Variants in RAI14 observed in about 807,000 individuals in gnomAD.
RAI14 encodes the protein retinoic acid induced 14.
A neutral mutation model predicts 115.4 loss-of-function variants in RAI14; 45 were observed. The ratio of observed to expected loss-of-function variants is 0.39; its 90% CI spans 0.31 to 0.50. RAI14 has a LOEUF of 0.50. Ranked by LOEUF, RAI14 falls within the 20% of genes least tolerant of loss-of-function variation. The pLI, the probability that RAI14 is intolerant of heterozygous loss-of-function variation, is 0.85. For missense variants in RAI14, 939 were observed against 1,131.2 expected, an observed-to-expected ratio of 0.83 and a Z score of 2.44; for synonymous variants, 371 against 415.4, an observed-to-expected ratio of 0.89 and a Z score of 1.30.
chr5:34,812,404 G>A (rs753641749), intron 10 of RAI14, among the ~76,000 whole-genome samples, 196 bp downstream of exon 10: 59 of 152,188 alleles, frequency 3.9e-4, no homozygotes, highest in Non-Finnish European at 2.1e-4. Flanking sequence ...GGTGGCTCAC[G>A]CCTGTAATCC....
intron 2 of RAI14, among the ~76,000 whole-genome samples, chr5:34,741,926 C>T (rs1000479758): frequency 4.6e-5 from 7 of 152,134 alleles, no homozygotes; most frequent in African/African-American, 1.7e-4. Flanking sequence ...AGAATCCACA[C>T]GTGTCATTGT....
At chr5:34,770,523 A>C (rs541036879) in intron 3 of RAI14, among the ~76,000 whole-genome samples, 27 of 152,236 alleles carry the variant, frequency 1.8e-4, no homozygotes, top group Non-Finnish European at 3.5e-4. Context: ...AATACATTCA[A>C]GAAAATAAAG....
At chr5:34,830,013 C>T (rs1757860705) in intron 17 of RAI14, among the ~76,000 whole-genome samples, 1 of 152,100 alleles carries the variant, frequency 6.6e-6, no homozygotes, top group African/African-American at 2.4e-5. Flanking sequence ...TAAAGCAGGG[C>T]CTCACTCTGT....
At chr5:34,681,308 G>A (rs776109973) in intron 1 of RAI14, among the ~76,000 whole-genome samples, 11 of 152,192 alleles carry the variant, frequency 7.2e-5, no homozygotes, top group Non-Finnish European at 1.3e-4. Context: ...ATGCTGACAA[G>A]GAGAGAAGGA....
chr5:34,813,445 T>G (rs951735596), intron 10 of RAI14, 129 bp from the exon 11 acceptor site: 13 of 567,470 alleles, frequency 2.3e-5, no homozygotes, highest in African/African-American at 9.6e-5. Context: ...GTAGCAGATT[T>G]CAGATTTTGA....
intron 3 of RAI14, among the ~76,000 whole-genome samples, chr5:34,765,825 G>A (rs1749273226): frequency 6.6e-6 from 1 of 152,178 alleles, no homozygotes; most frequent in African/African-American, 2.4e-5. Context: ...TCCCACCACA[G>A]GCCAGGAGGC....
At chr5:34,720,743 A>G (rs1742608781) in intron 2 of RAI14, among the ~76,000 whole-genome samples, 1 of 151,984 alleles carries the variant, frequency 6.6e-6, no homozygotes, top group African/African-American at 2.4e-5. Context: ...TAAAAGTAAT[A>G]GCGCTTTCAT....
intron 2 of RAI14, among the ~76,000 whole-genome samples, chr5:34,731,702 A>G (rs1035454808): frequency 1.3e-5 from 2 of 148,880 alleles, no homozygotes; most frequent in Non-Finnish European, 2.9e-5. Flanking sequence ...AAAAAAAAAT[A>G]AAGAAATGAA....
intron 2 of RAI14, among the ~76,000 whole-genome samples, chr5:34,691,553 C>T (rs1738602123): frequency 6.6e-6 from 1 of 152,120 alleles, no homozygotes; most frequent in South Asian, 2.1e-4. Flanking sequence ...ATAAAATGCT[C>T]AGGCTTCTGG....
chr5:34,772,288 T>C (rs1273886536), intron 3 of RAI14, among the ~76,000 whole-genome samples: 1 of 152,194 alleles, frequency 6.6e-6, no homozygotes, highest in Non-Finnish European at 1.5e-5. Flanking sequence ...GCAGAATGCC[T>C]GGGTTAGAAT....
intron 3 of RAI14, among the ~76,000 whole-genome samples, chr5:34,774,667 G>T (rs938003068): frequency 6.6e-6 from 1 of 151,454 alleles, no homozygotes; most frequent in Admixed American, 6.6e-5. Flanking sequence ...TTCCAACCAT[G>T]AACATGGAAG....
chr5:34,796,397 C>CAAAAAA (rs373073743), intron 4 of RAI14, among the ~76,000 whole-genome samples: 2 of 124,106 alleles, frequency 1.6e-5, no homozygotes, highest in African/African-American at 5.9e-5. Context: ...GACTCTGTCT[C>CAAAAAA]AAAAAAAAAA....
intron 2 of RAI14, among the ~76,000 whole-genome samples, chr5:34,737,255 A>ATCTG (rs71739980): frequency 0.46 from 69,031 of 151,556 alleles, 15,770 homozygotes; most frequent in Non-Finnish European, 0.47. Context: ...GATACTCCTA[A>ATCTG]TGTAGTGCAG....
At chr5:34,697,774 T>C (rs1236933218) in intron 2 of RAI14, among the ~76,000 whole-genome samples, 1 of 152,200 alleles carries the variant, frequency 6.6e-6, no homozygotes, top group African/African-American at 2.4e-5. Context: ...ATTTATAAAA[T>C]TGTGCAATAT....
intron 3 of RAI14, among the ~76,000 whole-genome samples, chr5:34,786,643 C>A (rs1018996067): frequency 6.6e-6 from 1 of 152,158 alleles, no homozygotes; most frequent in African/African-American, 2.4e-5. Context: ...ACTGGGATTG[C>A]TTAAAAGAGT....
chr5:34,665,001 G>A (rs201663785), intron 1 of RAI14, among the ~76,000 whole-genome samples: 14 of 27,512 alleles, frequency 5.1e-4, no homozygotes, highest in East Asian at 1.0e-3. Flanking sequence ...ATATATATAT[G>A]TGTATATATA....
At chr5:34,689,462 G>A (rs758810099) in intron 2 of RAI14, among the ~76,000 whole-genome samples, 14 of 152,058 alleles carry the variant, frequency 9.2e-5, no homozygotes, top group Admixed American at 7.9e-4. Context: ...ACTTAAACTC[G>A]GACCTAGGTT....
chr5:34,808,373 C>T (rs1424895735), intron 6 of RAI14, among the ~76,000 whole-genome samples: 1 of 152,232 alleles, frequency 6.6e-6, no homozygotes, highest in African/African-American at 2.4e-5. Flanking sequence ...AACTGGCAGT[C>T]ATTGGCTTTA....
intron 1 of RAI14, among the ~76,000 whole-genome samples, chr5:34,661,891 TCCTCCCA>T (rs1246664356): frequency 2.6e-5 from 4 of 152,338 alleles, no homozygotes; most frequent in Admixed American, 2.6e-4. Flanking sequence ...GCTCAAGTGA[TCCTCCCA>T]CCTCAGCTTC....
Sources: allele counts gnomAD v4.1 joint callset (sites outside exome capture counted in the v4.1 genomes callset), GRCh38; gene constraint gnomAD v4.1.1; transcripts MANE v1.5; gene names NCBI Gene and HGNC (gene_info 2026-07-23, HGNC 2026-07-21).